The following NPSR1 variants were observed in gnomAD, a reference collection of about 807,000 sequenced individuals.
NPSR1 encodes the protein neuropeptide S receptor 1.
In NPSR1, 48 loss-of-function variants were observed where a neutral mutation model predicts 46.9. The ratio of observed to expected loss-of-function variants is 1.02; its 90% confidence interval spans 0.81 to 1.30. The LOEUF (loss-of-function observed/expected upper bound fraction) is 1.30, where lower values mean the gene tolerates loss of function less well. NPSR1 is among the 50% of genes most tolerant of loss of function. The probability of loss-of-function intolerance (pLI) is 0.00; values close to 1 mark genes in which losing one functional copy is unlikely to be tolerated. For missense variants in NPSR1, 450 were observed against 449.5 expected, an observed-to-expected ratio of 1.00 and a Z score of -0.01; for synonymous variants, 176 against 168.1, an observed-to-expected ratio of 1.05 and a Z score of -0.36.
chr7:34,874,038 T>C (rs1223525633), intron 8 of NPSR1, among the ~76,000 whole-genome samples: 2 of 151,630 alleles, frequency 1.3e-5, no homozygotes, highest in Non-Finnish European at 2.9e-5. Context: ...TACACAGTCT[T>C]CTCTTGAAAG....
At chr7:34,751,243 C>T (rs571715276) in intron 2 of NPSR1, 35 of 1,027,860 alleles carry the variant, frequency 3.4e-5, no homozygotes, top group African/African-American at 4.7e-5. Context: ...GAGATTAGAC[C>T]GGACAATGGG....
intron 1 of NPSR1, among the ~76,000 whole-genome samples, chr7:34,674,908 C>G (rs1413735800): frequency 6.6e-6 from 1 of 152,138 alleles, no homozygotes; most frequent in African/African-American, 2.4e-5. Flanking sequence ...AGTTTTGGCT[C>G]AGAAAGAAAA....
At chr7:34,838,679 C>T (rs1790463733) in intron 6 of NPSR1, among the ~76,000 whole-genome samples, 1 of 152,168 alleles carries the variant, frequency 6.6e-6, no homozygotes, top group Non-Finnish European at 1.5e-5. Flanking sequence ...GCAAATATGT[C>T]TATTTTCTCC....
chr7:34,831,474 G>A (rs1790116547), intron 5 of NPSR1, among the ~76,000 whole-genome samples: 1 of 152,048 alleles, frequency 6.6e-6, no homozygotes, highest in Admixed American at 6.6e-5. Context: ...AAAGGAGGGG[G>A]GAAGAAAGGG....
chr7:34,870,912 ATGGATAG>A (rs1791438880), intron 8 of NPSR1, among the ~76,000 whole-genome samples: 4 of 150,898 alleles, frequency 2.7e-5, no homozygotes, highest in Admixed American at 1.3e-4. Flanking sequence ...GAATGGATGG[ATGGATAG>A]ATGGATGGAT....
At position 34,876,686 on chromosome 7, in the gene NPSR1, G is replaced by T. The variant is rs13243621; in HGVS notation, c.1026-1390G>T. On this transcript the variant is annotated intron_variant, in intron 8 of 8. Transcript: ENST00000359791. ...TCAATGGCTTCTGTTTCAAAAGAAA[G>T]ACTCTCTAATCATGGAAATGGTATC... 9.1e-4 allele frequency among the ~76,000 whole-genome samples: 139 copies of T among 152,278 alleles called. 1 individual carries two copies. The highest frequency in any genetic ancestry group is 2.6e-4 in the Non-Finnish European group (18 of 68,032).
At chr7:34,787,308 C>T (rs907078269) in intron 3 of NPSR1, among the ~76,000 whole-genome samples, 1 of 152,142 alleles carries the variant, frequency 6.6e-6, no homozygotes, top group Non-Finnish European at 1.5e-5. Flanking sequence ...GCAGCTTTCA[C>T]ATCTATCTCA....
At chr7:34,821,003 C>G in intron 4 of NPSR1, among the ~76,000 whole-genome samples, 1 of 152,120 alleles carries the variant, frequency 6.6e-6, no homozygotes, top group South Asian at 2.1e-4. Context: ...CACTGCCCAT[C>G]ATGGCTTGGA....
At chr7:34,804,087 C>A (rs184533895) in intron 3 of NPSR1, among the ~76,000 whole-genome samples, 1 of 151,822 alleles carries the variant, frequency 6.6e-6, no homozygotes, top group African/African-American at 2.4e-5. Flanking sequence ...AAAATGGTAA[C>A]AATTATCTGC....
At chr7:34,814,694 G>C (rs745870640) in intron 4 of NPSR1, among the ~76,000 whole-genome samples, 1 of 152,232 alleles carries the variant, frequency 6.6e-6, no homozygotes, top group Non-Finnish European at 1.5e-5. Flanking sequence ...AAAGCTTCCA[G>C]AGGAAGGATC....
intron 2 of NPSR1, chr7:34,751,788 T>C: frequency 2.5e-6 from 4 of 1,588,096 alleles, no homozygotes; most frequent in Non-Finnish European, 3.5e-6. Flanking sequence ...AGCCCTGCCA[T>C]ATCTGGGCAC....
chr7:34,848,425 C>A (rs866213794), intron 7 of NPSR1, 58 bp from the exon 8 acceptor site: 2 of 1,523,808 alleles, frequency 1.3e-6, no homozygotes, highest in South Asian at 2.4e-5. Context: ...CAGGACCAAC[C>A]AAAAGAGACC....
chr7:34,864,979 C>T (rs865866505), intron 8 of NPSR1, among the ~76,000 whole-genome samples: 4 of 151,722 alleles, frequency 2.6e-5, no homozygotes, highest in Admixed American at 6.6e-5. Flanking sequence ...GCCAATGGAA[C>T]GTGGAAAAAA....
chr7:34,789,287 A>C (rs1280924668), intron 3 of NPSR1, among the ~76,000 whole-genome samples: 1 of 152,058 alleles, frequency 6.6e-6, no homozygotes, highest in Non-Finnish European at 1.5e-5. Flanking sequence ...GGGAGAAATA[A>C]TAAAAATTAG....
At chr7:34,683,688 G>T (rs1425680131) in intron 1 of NPSR1, among the ~76,000 whole-genome samples, 1 of 151,996 alleles carries the variant, frequency 6.6e-6, no homozygotes, top group African/African-American at 2.4e-5. Flanking sequence ...GAGGGTGAGA[G>T]AGGGACAAGG....
At chr7:34,826,417 C>A (rs1293972815) in intron 4 of NPSR1, among the ~76,000 whole-genome samples, 1 of 152,152 alleles carries the variant, frequency 6.6e-6, no homozygotes, top group Non-Finnish European at 1.5e-5. Context: ...CACTGTCGAA[C>A]AACACCACCT....
At chr7:34,781,008 G>A (rs532002212) in intron 3 of NPSR1, among the ~76,000 whole-genome samples, 8 of 152,142 alleles carry the variant, frequency 5.3e-5, no homozygotes, top group East Asian at 1.9e-4. Flanking sequence ...GATATCCATA[G>A]GGGATTTGAA....
chr7:34,695,220 GAC>G (rs974873035), intron 2 of NPSR1, among the ~76,000 whole-genome samples: 2 of 152,086 alleles, frequency 1.3e-5, no homozygotes, highest in African/African-American at 4.8e-5. Context: ...ATATGGAAAG[GAC>G]ACCTTATTCA....
At chr7:34,739,986 G>C (rs1784864599) in intron 2 of NPSR1, among the ~76,000 whole-genome samples, 1 of 152,168 alleles carries the variant, frequency 6.6e-6, no homozygotes, top group Non-Finnish European at 1.5e-5. Context: ...TACGCCGTTT[G>C]TCTTCAGCTA....
Sources: gnomAD v4.1 joint callset for allele counts (sites outside exome capture counted in the v4.1 genomes callset) on GRCh38, gnomAD v4.1.1 for gene constraint, MANE v1.5 for transcripts, NCBI Gene and HGNC (gene_info 2026-07-23, HGNC 2026-07-21) for gene names.